The following CCNE1 variants were observed in gnomAD, a reference collection of about 807,000 sequenced individuals.
CCNE1 encodes cyclin E1.
CCNE1 carries 8 observed loss-of-function variants against 54.1 expected under a neutral mutation model. That is an observed-to-expected ratio of 0.15 (90% CI 0.09 to 0.27). CCNE1 has a LOEUF of 0.27. CCNE1 is among the 10% of genes least tolerant of loss of function. The probability of loss-of-function intolerance (pLI) is 1.00; values close to 1 mark genes in which losing one functional copy is unlikely to be tolerated. For synonymous variants in CCNE1, 179 were observed against 185.2 expected, an observed-to-expected ratio of 0.97 and a Z score of 0.27; for missense variants, 430 against 514.9, an observed-to-expected ratio of 0.84 and a Z score of 1.60.
At chr19:29,820,882 G>A (rs1480551202) in intron 7 of CCNE1, 34 bp downstream of exon 7, 3 of 1,517,430 alleles carry the variant, frequency 2.0e-6, no homozygotes, top group Non-Finnish European at 2.7e-6. Flanking sequence ...TCTATAATGT[G>A]TGTTATTTCT....
chr19:29,823,953 G>A lies in CCNE1; in HGVS notation c.*176G>A, dbSNP rs1425955828. On this transcript the variant is annotated 3_prime_UTR_variant, in exon 12 of 12. Transcript: ENST00000262643. ...CAGGGCAAAGTGTTTTTTATTGAATGCTTATAGGTTTTTTTTAAATAAGTG... is the reference window on the plus strand; with the variant it reads ...CAGGGCAAAGTGTTTTTTATTGAATACTTATAGGTTTTTTTTAAATAAGTG... 1.6e-6 allele frequency: 1 copy of A among 632,444 alleles called. No homozygotes were observed. Among genetic ancestry groups the A allele is most frequent in the Non-Finnish European group, 2.4e-6 (1 of 409,610 alleles). The allele number at this position is 632,444 out of a possible 1,614,324, so 39.2% of individuals were successfully genotyped here.
intron 6 of CCNE1, 36 bp from the exon 7 acceptor site, chr19:29,820,666 C>T (rs1974127312): frequency 6.7e-7 from 1 of 1,483,880 alleles, no homozygotes; most frequent in Non-Finnish European, 9.2e-7. Flanking sequence ...TCAAGTAAAA[C>T]TTACTTGTGC....
chr19:29,822,394 G>A (rs1330731864), intron 10 of CCNE1, 43 bp downstream of exon 10: 4 of 1,613,786 alleles, frequency 2.5e-6, no homozygotes, highest in African/African-American at 2.7e-5. Flanking sequence ...GGTGTACTAA[G>A]CTTACATCCA....
In CCNE1 at chr19:29,820,683, T is replaced by G; in HGVS notation, c.463-19T>G. 1 of 1,581,006 alleles carries G rather than the reference T, an allele frequency of 6.3e-7. No individual in the cohort carries two copies. Among genetic ancestry groups the G allele is most frequent in the Non-Finnish European group, 8.6e-7 (1 of 1,157,916 alleles). On this transcript the variant is annotated intron_variant, in intron 6 of 11. Coordinates refer to ENST00000262643, the MANE Select transcript of CCNE1 (RefSeq NM_001238.4). Reference sequence around the variant, plus strand: ...AAGTAAAACTTACTTGTGCTAAAACTTACTAAATATGTTTTCAGGTGTGTG... The same window carrying G: ...AAGTAAAACTTACTTGTGCTAAAACGTACTAAATATGTTTTCAGGTGTGTG...
chr19:29,812,505 G>A (rs1481557180), intron 1 of CCNE1, 27 bp from the exon 2 acceptor site: 1 of 1,269,248 alleles, frequency 7.9e-7, no homozygotes, highest in Non-Finnish European at 9.9e-7. Context: ...TGACCCCGCC[G>A]CCGCCTCACC....
rs749906913 is a variant in CCNE1 at position 29,812,720 on chromosome 19, G to C, written c.55G>C (p.Asp19His). Residue 19 changes from aspartate to histidine, a missense_variant, in exon 3 of 12, where the codon GAC becomes CAC. By Grantham distance (81) the Asp-to-His change is moderately conservative (BLOSUM62 -1). Transcript: ENST00000262643. The part of the protein sequence containing the change: ...DAKERDTMKE[D>H]GGAEFSARSR... ...GAAGGAGCGGGACACCATGAAGGAG[G>C]ACGGCGGCGCGGAGTTCTCGGCTCG... The C allele has an allele frequency of 2.3e-5, 37 of 1,594,464 alleles. No homozygotes were observed. Among genetic ancestry groups the C allele is most frequent in the Middle Eastern group, 3.3e-4 (2 of 6,052 alleles).
At chr19:29,815,861 A>C (rs1404758623) in intron 4 of CCNE1, among the ~76,000 whole-genome samples, 1 of 151,762 alleles carries the variant, frequency 6.6e-6, no homozygotes, top group Non-Finnish European at 1.5e-5. Context: ...CTGCTTTAAA[A>C]AAAAAAAAAA....
intron 4 of CCNE1, 78 bp from the exon 5 acceptor site, chr19:29,817,059 T>C (rs948660664): frequency 7.0e-7 from 1 of 1,428,120 alleles, no homozygotes. Context: ...GAGTTGCAGG[T>C]GAATTTGTAA....
chr19:29,817,222 A>G lies in CCNE1; in HGVS notation c.266A>G (p.Asn89Ser). The change falls in exon 5 of 12, where the codon AAC becomes AGC. Residue 89 changes from asparagine to serine, a missense_variant. Coordinates refer to ENST00000262643, the MANE Select transcript of CCNE1 (RefSeq NM_001238.4). ...GAAGATGATGACCGGGTTTACCCAA[A>G]CTCAACGTGCAAGCCTCGGATTATT... is the stretch of plus-strand genomic sequence containing the variant. ...DKEDDDRVYPNSTCKPRIIAP... is the reference protein window; with the variant it reads ...DKEDDDRVYPSSTCKPRIIAP... The G allele has an allele frequency of 6.2e-7, 1 of 1,614,118 alleles. No individual in the cohort carries two copies. Among genetic ancestry groups the G allele is most frequent in the Non-Finnish European group, 8.5e-7 (1 of 1,180,032 alleles).
At chr19:29,818,951 G>A (rs1329206602) in intron 6 of CCNE1, among the ~76,000 whole-genome samples, 1 of 152,068 alleles carries the variant, frequency 6.6e-6, no homozygotes, top group African/African-American at 2.4e-5. Context: ...TAGTAGAGAC[G>A]GGGTTTCCTC....
chr19:29,823,764 C>T lies in CCNE1; in HGVS notation c.1220C>T (p.Pro407Leu), dbSNP rs147896943. ...PQSGKKQSSG[P>L]EMA is the part of the protein sequence containing the mutation. The stretch of plus-strand genomic sequence containing the variant: ...AGCGGTAAGAAGCAGAGCAGCGGGC[C>T]GGAAATGGCGTGACCACCCCATCCT... Residue 407 changes from proline (P) to leucine (L), a missense_variant, in exon 12 of 12, where the codon CCG (proline) becomes CTG (leucine). Pro to Leu is a moderately conservative substitution (Grantham distance 98). Coordinates refer to ENST00000262643, the MANE Select transcript of CCNE1 (RefSeq NM_001238.4). The T allele has an allele frequency of 7.4e-6, 12 of 1,612,456 alleles. No homozygotes were observed. The African/African-American group carries it at 8.0e-5, about 11-fold the overall frequency.
At chr19:29,823,183 G>C (rs773924193) in intron 11 of CCNE1, among the ~76,000 whole-genome samples, 2 of 152,130 alleles carry the variant, frequency 1.3e-5, no homozygotes, top group Non-Finnish European at 2.9e-5. Flanking sequence ...GGCCAAGGCA[G>C]AAGGACTGCT....
At position 29,823,551 on chromosome 19, in the gene CCNE1, GAAAA is replaced by G. The variant is rs889643536; in HGVS notation, c.1111-95_1111-92del. Reference sequence around the variant, plus strand: ...ATGAGAAAGCAAGTCTCCATCTTGAGAAAAAAAAAAAATTTAAAAATTAAAAAAG... The same window carrying G: ...ATGAGAAAGCAAGTCTCCATCTTGAGAAAAAAAATTTAAAAATTAAAAAAG... On this transcript the variant is annotated intron_variant, in intron 11 of 11. Transcript: ENST00000262643. The G allele has an allele frequency of 7.1e-5, 60 of 846,930 alleles. 1 individual carries two copies. The highest frequency in any genetic ancestry group is 5.2e-4 in the Admixed American group (15 of 28,870). 52.5% of individuals were successfully genotyped at this position (846,930 alleles called of 1,614,324 possible). A position where few individuals can be genotyped will look rare whatever the true frequency, so the allele number is the denominator to read the frequency against.
At chr19:29,820,917 G>C in intron 7 of CCNE1, 69 bp downstream of exon 7, 1 of 1,291,960 alleles carries the variant, frequency 7.7e-7, no homozygotes, top group Non-Finnish European at 1.1e-6. Context: ...ATTGGGGGAA[G>C]AGGTTGGCGC....
At position 29,816,713 on chromosome 19, in the gene CCNE1, T is replaced by TA. The variant is rs771124946; in HGVS notation, c.181-423dup. 2.6e-4 allele frequency among the ~76,000 whole-genome samples: 40 copies of TA among 152,340 alleles called. 1 individual carries two copies. In the East Asian group the frequency reaches 5.2e-3, roughly 20 times the overall value. On this transcript the variant is annotated intron_variant, in intron 4 of 11. Transcript: ENST00000262643. Reference sequence around the variant, plus strand: ...AAATTTACATTTTTGATCTTTTTTTTATTATACTTTTAAGTTTTAGGGTAC... The same window carrying TA: ...AAATTTACATTTTTGATCTTTTTTTTAATTATACTTTTAAGTTTTAGGGTAC...
rs139551337 is a variant in CCNE1, at chr19:29,812,710, C to T, written c.45C>T (p.Thr15=). The T allele has an allele frequency of 1.3e-3, 2,110 of 1,592,906 alleles. 6 individuals carry two copies. Among genetic ancestry groups the T allele is most frequent in the Non-Finnish European group, 1.6e-3 (1,868 of 1,171,816 alleles). Residue 15 remains threonine (T), a synonymous_variant, in exon 3 of 12, where the codon ACC becomes ACT. Coordinates refer to ENST00000262643, the MANE Select transcript of CCNE1 (RefSeq NM_001238.4). ...RRERDAKERD[T]MKEDGGAEFS... ...ACAGGGATGCGAAGGAGCGGGACAC[C>T]ATGAAGGAGGACGGCGGCGCGGAGT...
rs139551337 is a variant in CCNE1, at chr19:29,812,710, C to A, written c.45C>A (p.Thr15=). Reference sequence around the variant, plus strand: ...ACAGGGATGCGAAGGAGCGGGACACCATGAAGGAGGACGGCGGCGCGGAGT... The same window carrying A: ...ACAGGGATGCGAAGGAGCGGGACACAATGAAGGAGGACGGCGGCGCGGAGT... ...RRERDAKERD[T]MKEDGGAEFS... is the part of the protein sequence containing the mutation. The change falls in exon 3 of 12, where the codon ACC becomes ACA. Residue 15 remains threonine, a synonymous_variant. Transcript: ENST00000262643. 1.9e-6 allele frequency: 3 copies of A among 1,592,908 alleles called. No individual in the cohort carries two copies. The highest frequency in any genetic ancestry group is 1.7e-6 in the Non-Finnish European group (2 of 1,171,818).
chr19:29,818,737 C>T (rs1204266118), intron 6 of CCNE1, among the ~76,000 whole-genome samples: 2 of 151,658 alleles, frequency 1.3e-5, no homozygotes, highest in East Asian at 3.9e-4. Flanking sequence ...AGAGACTAGC[C>T]TGGGCAACAT....
intron 8 of CCNE1, 38 bp from the exon 9 acceptor site, chr19:29,821,958 C>A: frequency 6.3e-7 from 1 of 1,592,634 alleles, no homozygotes. Context: ...AACTTCTTTT[C>A]TCAATCATCG....
Sources: allele counts gnomAD v4.1 joint callset (sites outside exome capture counted in the v4.1 genomes callset), GRCh38; gene constraint gnomAD v4.1.1; transcripts MANE v1.5; gene names NCBI Gene and HGNC (gene_info 2026-07-23, HGNC 2026-07-21).